The following ADAMTS17 variants were observed in gnomAD, a reference collection of about 807,000 sequenced individuals.
ADAMTS17 encodes ADAM metallopeptidase with thrombospondin type 1 motif 17.
In ADAMTS17, 113 loss-of-function variants were observed where a neutral mutation model predicts 141.5. The observed-to-expected ratio is 0.80, with a 90% CI of 0.69 to 0.93. The LOEUF is 0.93. ADAMTS17 is among the 40% of genes least tolerant of loss of function. The pLI is 0.00. For missense variants in ADAMTS17, 1,659 were observed against 1,517.9 expected, an observed-to-expected ratio of 1.09 and a Z score of -1.54; for synonymous variants, 768 against 630.6, an observed-to-expected ratio of 1.22 and a Z score of -3.27.
chr15:100,037,438 T>C (rs1330911158), intron 18 of ADAMTS17, among the ~76,000 whole-genome samples: 1 of 150,752 alleles, frequency 6.6e-6, no homozygotes, highest in Non-Finnish European at 1.5e-5. Flanking sequence ...TGAGACAGAG[T>C]CTCACTCTGT....
chr15:100,063,921 A>G (rs6598298), intron 15 of ADAMTS17, among the ~76,000 whole-genome samples: 149,914 of 152,178 alleles, frequency 0.99, 73,881 homozygotes, highest in Non-Finnish European at 1. Context: ...AGGACCTCCC[A>G]GTGGCCCCAT....
At chr15:100,103,915 G>C (rs1328272870) in intron 14 of ADAMTS17, among the ~76,000 whole-genome samples, 1 of 152,200 alleles carries the variant, frequency 6.6e-6, no homozygotes, top group Non-Finnish European at 1.5e-5. Context: ...CTCTGGGCCA[G>C]TGTATAGGGA....
At chr15:99,994,998 G>A (rs1462803628) in intron 19 of ADAMTS17, among the ~76,000 whole-genome samples, 2 of 152,256 alleles carry the variant, frequency 1.3e-5, no homozygotes, top group Non-Finnish European at 2.9e-5. Context: ...AGTGGGGAGA[G>A]TAGCTGTGTG....
intron 15 of ADAMTS17, among the ~76,000 whole-genome samples, chr15:100,075,543 G>A (rs1308396014): frequency 6.6e-6 from 1 of 152,164 alleles, no homozygotes; most frequent in African/African-American, 2.4e-5. Flanking sequence ...GAGGACTGCT[G>A]GTTACTGCCC....
chr15:100,095,016 C>T (rs2035676828), intron 15 of ADAMTS17, among the ~76,000 whole-genome samples: 1 of 152,162 alleles, frequency 6.6e-6, no homozygotes. Flanking sequence ...TCAAAATTTT[C>T]CCAGTGAGAT....
intron 3 of ADAMTS17, among the ~76,000 whole-genome samples, chr15:100,289,391 A>T (rs893925607): frequency 2.6e-5 from 4 of 152,188 alleles, no homozygotes; most frequent in African/African-American, 9.7e-5. Flanking sequence ...ATTCACAGCC[A>T]GATTCTACCA....
intron 15 of ADAMTS17, among the ~76,000 whole-genome samples, chr15:100,058,307 CCCCTATCCCGGCTCTAACA>C (rs2032805253): frequency 9.8e-5 from 5 of 51,264 alleles, no homozygotes; most frequent in Non-Finnish European, 2.1e-4. Context: ...GGCTCTAACA[CCCCTATCCCGGCTCTAACA>C]CCCCTATCCC....
intron 18 of ADAMTS17, among the ~76,000 whole-genome samples, chr15:100,022,784 T>A (rs1042408839): frequency 6.6e-6 from 1 of 152,108 alleles, no homozygotes; most frequent in African/African-American, 2.4e-5. Flanking sequence ...CAACTGAAAA[T>A]AATAATTTGT....
At chr15:100,297,439 A>G (rs1180283529) in intron 3 of ADAMTS17, among the ~76,000 whole-genome samples, 7 of 152,182 alleles carry the variant, frequency 4.6e-5, no homozygotes, top group African/African-American at 1.4e-4. Flanking sequence ...GGCCAAGGTG[A>G]AAACGGACAA....
chr15:100,071,469 T>A lies in ADAMTS17; in HGVS notation c.2138-17415A>T, dbSNP rs925131944. Among the ~76,000 whole-genome samples, 35 of 150,168 alleles carry A rather than the reference T, an allele frequency of 2.3e-4. 1 individual carries two copies. The highest frequency in any genetic ancestry group is 8.4e-4 in the African/African-American group (34 of 40,572). ...GAGAATTTTAGACCAATATCCCTGA[T>A]GAACATTGATGCAAAAATCCTCAAT... On this transcript the variant is annotated intron_variant, in intron 15 of 21. Coordinates refer to ENST00000268070, the MANE Select transcript of ADAMTS17 (RefSeq NM_139057.4).
chr15:100,281,222 G>A lies in ADAMTS17; in HGVS notation c.789+7C>T. 6.2e-7 allele frequency: 1 copy of A among 1,603,622 alleles called. No homozygotes were observed. The highest frequency in any genetic ancestry group is 8.5e-7 in the Non-Finnish European group (1 of 1,179,950). ...CCCCCACATCAGGACCCCGGCTCCG[G>A]ACTCACCATGTTCATGACGGTCAGG... On this transcript the variant is annotated splice_region_variant and intron_variant, in intron 4 of 21. Transcript: ENST00000268070.
At chr15:100,298,582 A>G (rs2044909430) in intron 3 of ADAMTS17, among the ~76,000 whole-genome samples, 1 of 152,194 alleles carries the variant, frequency 6.6e-6, no homozygotes, top group Non-Finnish European at 1.5e-5. Context: ...CTTCCAGGGA[A>G]AGCTGGCTTC....
At chr15:100,122,915 C>G (rs1439887489) in intron 12 of ADAMTS17, among the ~76,000 whole-genome samples, 1 of 152,174 alleles carries the variant, frequency 6.6e-6, no homozygotes, top group Non-Finnish European at 1.5e-5. Flanking sequence ...CCATGTTGTT[C>G]AAGAGTCAAC....
At chr15:100,108,756 T>C (rs1313902276) in intron 14 of ADAMTS17, among the ~76,000 whole-genome samples, 3 of 152,338 alleles carry the variant, frequency 2.0e-5, no homozygotes, top group Middle Eastern at 3.4e-3. Context: ...TTAGAATACG[T>C]TGTGCCTGTT....
At chr15:100,102,738 G>C (rs1332220574) in intron 14 of ADAMTS17, among the ~76,000 whole-genome samples, 1 of 152,166 alleles carries the variant, frequency 6.6e-6, no homozygotes, top group Non-Finnish European at 1.5e-5. Flanking sequence ...TCAGCACAGA[G>C]ACCTCCCTGC....
chr15:100,012,952 T>C (rs530088365), intron 18 of ADAMTS17, among the ~76,000 whole-genome samples: 6 of 152,220 alleles, frequency 3.9e-5, no homozygotes, highest in South Asian at 2.1e-4. Context: ...GGGAATTGCA[T>C]TGAATTTGTA....
At chr15:100,289,240 G>A (rs922726308) in intron 3 of ADAMTS17, among the ~76,000 whole-genome samples, 2 of 152,032 alleles carry the variant, frequency 1.3e-5, no homozygotes, top group African/African-American at 4.8e-5. Flanking sequence ...TAGAAAACCT[G>A]GAAGAAACTG....
intron 20 of ADAMTS17, among the ~76,000 whole-genome samples, chr15:99,977,392 ATATATATAATTTTTTTTTTTT>A (rs2060380206): frequency 3.0e-4 from 2 of 6,566 alleles, no homozygotes; most frequent in Admixed American, 1.7e-3. Flanking sequence ...ATATATATAT[ATATATATAATTTTTTTTTTTT>A]TTTTTTTTTT....
intron 8 of ADAMTS17, chr15:100,168,516 A>T (rs1388455292): frequency 6.6e-6 from 1 of 152,290 alleles, no homozygotes; most frequent in Non-Finnish European, 1.5e-5. Flanking sequence ...GGGACAGGGC[A>T]GGAAATGGAA....
Sources: gnomAD v4.1 joint callset for allele counts (sites outside exome capture counted in the v4.1 genomes callset) on GRCh38, gnomAD v4.1.1 for gene constraint, MANE v1.5 for transcripts, NCBI Gene and HGNC (gene_info 2026-07-23, HGNC 2026-07-21) for gene names.